The following CDH3 variants were observed in gnomAD, a reference collection of about 807,000 sequenced individuals.
CDH3 encodes the protein cadherin 3, also known as cadherin-3.
A neutral mutation model predicts 82.0 loss-of-function variants in CDH3; 54 were observed. The observed-to-expected ratio is 0.66, with a 90% CI of 0.53 to 0.83. CDH3 has a LOEUF of 0.83. CDH3 is among the 40% of genes least tolerant of loss of function. The pLI, the probability that CDH3 is intolerant of heterozygous loss-of-function variation, is 0.00. For synonymous variants in CDH3, 446 were observed against 437.9 expected (o/e 1.02, Z -0.23); for missense variants, 1,054 against 1,084.6 (o/e 0.97, Z 0.40).
chr16:68,686,071 T>G lies in CDH3; in HGVS notation c.1570+721T>G, dbSNP rs181020943. Among the ~76,000 whole-genome samples, 53 of 152,332 alleles carry G rather than the reference T, an allele frequency of 3.5e-4. 2 individuals are homozygous for G. The East Asian group carries it at 7.9e-3, about 23-fold the overall frequency. On this transcript the variant is annotated intron_variant, in intron 11 of 15. Coordinates refer to ENST00000264012, the MANE Select transcript of CDH3 (RefSeq NM_001793.6). ...TGACTCAAGCCTATAATCCCAGCACTGTGGGAGGCTGAGGCAGGTGGATCA... is the reference window on the plus strand; with the variant it reads ...TGACTCAAGCCTATAATCCCAGCACGGTGGGAGGCTGAGGCAGGTGGATCA...
chr16:68,691,877 G>C lies in CDH3; in HGVS notation c.1953G>C (p.Trp651Cys), dbSNP rs1961589328. 2 of 1,613,940 alleles carry C rather than the reference G, an allele frequency of 1.2e-6. No homozygotes were observed. Among genetic ancestry groups the C allele is most frequent in the Non-Finnish European group, 8.5e-7 (1 of 1,180,010 alleles). The part of the protein sequence containing the change: ...HGHVETCPGP[W>C]KGGFILPVLG... ...ATGTCGAAACCTGCCCTGGACCCTGGAAGGGAGGTTTCATCCTCCCTGTGC... is the reference window on the plus strand; with the variant it reads ...ATGTCGAAACCTGCCCTGGACCCTGCAAGGGAGGTTTCATCCTCCCTGTGC... Residue 651 changes from tryptophan (W) to cysteine (C), a missense_variant, in exon 13 of 16, where the codon TGG (tryptophan) becomes TGC (cysteine). Transcript: ENST00000264012.
At chr16:68,645,588 C>T in intron 1 of CDH3, 48 bp from the exon 2 acceptor site, 3 of 1,493,964 alleles carry the variant, frequency 2.0e-6, no homozygotes, top group South Asian at 2.4e-5. Context: ...AGTGCAGGGC[C>T]GGGCACGCCT....
chr16:68,710,976 G>A (rs1597827976), intron 1 of CDH3, among the ~76,000 whole-genome samples: 1 of 94,884 alleles, frequency 1.1e-5, no homozygotes, highest in South Asian at 5.6e-4. Flanking sequence ...GAAGGAGGGG[G>A]GAGGGGGGAG....
intron 2 of CDH3, among the ~76,000 whole-genome samples, chr16:68,648,069 T>C (rs1960128114): frequency 6.6e-6 from 1 of 152,192 alleles, no homozygotes; most frequent in Non-Finnish European, 1.5e-5. Context: ...TAACATTCCC[T>C]TGAAGCAGGT....
In CDH3 at chr16:68,699,968, C is replaced by T. The variant is rs1961863790; in HGVS notation, c.*1568C>T. 1 of 152,214 alleles carries T rather than the reference C, an allele frequency of 6.6e-6. No individual in the cohort carries two copies. The highest frequency in any genetic ancestry group is 1.5e-5 in the Non-Finnish European group (1 of 68,034). The allele number at this position is 152,214 out of a possible 1,614,324, so 9.4% of individuals were successfully genotyped here. On this transcript the variant is annotated 3_prime_UTR_variant, in exon 16 of 16. Transcript: ENST00000264012. ...CCAGACAGGACTTCGATTATTTCCT[C>T]TAAATCCTCACAATCACCCTCTGAG...
At chr16:68,693,645 G>A (rs1436288716) in intron 13 of CDH3, among the ~76,000 whole-genome samples, 1 of 152,132 alleles carries the variant, frequency 6.6e-6, no homozygotes, top group African/African-American at 2.4e-5. Context: ...GGAGAGGAGA[G>A]GTTACTGTCT....
downstream of CDH3, among the ~76,000 whole-genome samples, chr16:68,732,210 C>T (rs1286573371): frequency 2.0e-5 from 3 of 152,162 alleles, no homozygotes; most frequent in Non-Finnish European, 2.9e-5. Context: ...GGAGCCTCCT[C>T]TACCCTACCT....
At chr16:68,709,696 C>T (rs1428175261) in intron 1 of CDH3, among the ~76,000 whole-genome samples, 1 of 152,134 alleles carries the variant, frequency 6.6e-6, no homozygotes, top group African/African-American at 2.4e-5. Flanking sequence ...CCACTCACCT[C>T]GGCCTTCCAA....
chr16:68,691,845 C>A lies in CDH3; in HGVS notation c.1921C>A (p.His641Asn), dbSNP rs767856243. The A allele has an allele frequency of 6.2e-7, 1 of 1,614,112 alleles. No homozygotes were observed. The highest frequency in any genetic ancestry group is 8.5e-7 in the Non-Finnish European group (1 of 1,180,004). ...GATCAGGGCCACTGTGTGCGACTGC[C>A]ATGGCCATGTCGAAACCTGCCCTGG... ...TVIRATVCDCHGHVETCPGPW... is the reference protein window; with the variant it reads ...TVIRATVCDCNGHVETCPGPW... Residue 641 changes from histidine (H) to asparagine (N), a missense_variant, in exon 13 of 16, where the codon CAT becomes AAT. Coordinates refer to ENST00000264012, the MANE Select transcript of CDH3 (RefSeq NM_001793.6).
In CDH3 at chr16:68,695,801, C is replaced by CG; in HGVS notation, c.2159dup (p.Gly721ArgfsTer13). The CG allele has an allele frequency of 3.7e-6, 6 of 1,614,130 alleles. No individual in the cohort carries two copies. Among genetic ancestry groups the CG allele is most frequent in the Non-Finnish European group, 5.1e-6 (6 of 1,180,022 alleles). The stretch of plus-strand genomic sequence containing the variant: ...GGACTATGACATCACCCAGCTCCAC[C>CG]GAGGTCTGGAGGCCAGGCCGGAGGT... On this transcript the variant is annotated frameshift_variant, in exon 15 of 16. Transcript: ENST00000264012. LOFTEE classifies it high-confidence loss of function.
At chr16:68,668,282 G>T (rs113088509) in intron 2 of CDH3, among the ~76,000 whole-genome samples, 1 of 152,144 alleles carries the variant, frequency 6.6e-6, no homozygotes, top group Admixed American at 6.5e-5. Context: ...TCATGCCCCC[G>T]TGATTTGGCC....
chr16:68,713,394 TCCCG>T (rs1365386543), intron 1 of CDH3, among the ~76,000 whole-genome samples: 1 of 151,880 alleles, frequency 6.6e-6, no homozygotes, highest in Non-Finnish European at 1.5e-5. Context: ...ATTTTAGACA[TCCCG>T]ACCCTGGAGC....
rs111578975 is a variant in CDH3, at chr16:68,695,388, G to C, written c.2133+3G>C. 1 of 1,605,210 alleles carries C rather than the reference G, an allele frequency of 6.2e-7. No homozygotes were observed. The highest frequency in any genetic ancestry group is 8.5e-7 in the Non-Finnish European group (1 of 1,175,952). ...AGGGGGGTGGCGAAGAGGACCAGGT[G>C]GGGCACTGGGGGCTCTGGGATTGGG... On this transcript the variant is annotated splice_donor_region_variant and intron_variant, in intron 14 of 15. Transcript: ENST00000264012.
intron 1 of CDH3, among the ~76,000 whole-genome samples, chr16:68,711,833 G>T (rs917877227): frequency 2.0e-5 from 3 of 151,952 alleles, no homozygotes; most frequent in African/African-American, 7.3e-5. Context: ...TTTCAGTATC[G>T]GACAGTGGAG....
At chr16:68,654,884 A>G (rs1172521601) in intron 2 of CDH3, among the ~76,000 whole-genome samples, 3 of 151,570 alleles carry the variant, frequency 2.0e-5, no homozygotes, top group Non-Finnish European at 4.4e-5. Context: ...AAAAATACAA[A>G]AATTAGCCTG....
In CDH3 at chr16:68,645,668, G is replaced by A. The variant is rs992399939; in HGVS notation, c.78G>A (p.Pro26=). 1.3e-6 allele frequency: 2 copies of A among 1,544,470 alleles called. No homozygotes were observed. Among genetic ancestry groups the A allele is most frequent in the South Asian group, 1.2e-5 (1 of 83,976 alleles). The change falls in exon 2 of 16, where the codon CCG becomes CCA. Residue 26 remains proline (P), a synonymous_variant. Coordinates refer to ENST00000264012, the MANE Select transcript of CDH3 (RefSeq NM_001793.6). ...GGCTGCAGTGCGCGGCCTCCGAGCC[G>A]TGCCGGGCGGTCTTCAGGGAGGCTG... ...VCWLQCAASE[P]CRAVFREAEV...
intron 9 of CDH3, among the ~76,000 whole-genome samples, chr16:68,683,947 G>A (rs1463613986): frequency 6.6e-6 from 1 of 151,318 alleles, no homozygotes; most frequent in African/African-American, 2.4e-5. Flanking sequence ...CATGCCTGTA[G>A]TCCCAGCTAC....
intron 2 of CDH3, among the ~76,000 whole-genome samples, chr16:68,659,105 G>A (rs1030333453): frequency 1.3e-5 from 2 of 152,148 alleles, no homozygotes; most frequent in African/African-American, 2.4e-5. Context: ...CCTTGAGGGA[G>A]GTACTATTGT....
Position 68,698,274 on chromosome 16 carries a change from C to A in CDH3, c.2364C>A (p.Asp788Glu), listed in dbSNP as rs144637479. The change falls in exon 16 of 16, where the codon GAC becomes GAA. Residue 788 changes from aspartate (D) to glutamate (E), a missense_variant. Physicochemically the swap from Asp to Glu is conservative, Grantham distance 45 (BLOSUM62 2). Transcript: ENST00000264012. ...TCGACTATGAGGGCAGCGGCTCCGA[C>A]GCCGCGTCCCTGAGCTCCCTCACCT... ...LVFDYEGSGSDAASLSSLTSS... is the reference protein window; with the variant it reads ...LVFDYEGSGSEAASLSSLTSS... 3.7e-6 allele frequency: 6 copies of A among 1,614,250 alleles called. No homozygotes were observed. Among genetic ancestry groups the A allele is most frequent in the Non-Finnish European group, 5.1e-6 (6 of 1,180,032 alleles).
Sources: allele counts gnomAD v4.1 joint callset (sites outside exome capture counted in the v4.1 genomes callset), GRCh38; gene constraint gnomAD v4.1.1; transcripts MANE v1.5; gene names NCBI Gene and HGNC (gene_info 2026-07-23, HGNC 2026-07-21).